ERI2: variants seen among roughly 807,000 people sequenced by gnomAD.
ERI2 encodes ERI1 exoribonuclease 2.
ERI2 carries 35 observed loss-of-function variants against 46.8 expected under a neutral mutation model. The observed-to-expected ratio is 0.75, with a 90% confidence interval of 0.57 to 0.99. ERI2 has a LOEUF of 0.99. ERI2 is among the 50% of genes least tolerant of loss of function. The probability of loss-of-function intolerance (pLI) is 0.00; values close to 1 mark genes in which losing one functional copy is unlikely to be tolerated. For synonymous variants in ERI2, 224 were observed against 271.0 expected, an observed-to-expected ratio of 0.83 and a Z score of 1.70; for missense variants, 695 against 796.2, an observed-to-expected ratio of 0.87 and a Z score of 1.53.
chr16:20,792,650 G>T, downstream of ERI2: 1 of 985,422 alleles, frequency 1.0e-6, no homozygotes. Flanking sequence ...GGTGACAGAA[G>T]TCAGCTGGAT....
chr16:20,782,661 T>G (rs2080378643), intron 10 of ERI2, among the ~76,000 whole-genome samples: 2 of 152,314 alleles, frequency 1.3e-5, no homozygotes, highest in Middle Eastern at 3.4e-3. Context: ...CAAGACTCTT[T>G]CCCATCTCAA....
At chr16:20,789,485 C>T in exon 10 of ERI2, 4 of 1,612,030 alleles carry the variant, frequency 2.5e-6, no homozygotes, top group Non-Finnish European at 3.4e-6. Context: ...TTACCATTGT[C>T]AACCAGAGAA....
At chr16:20,789,501 C>T in exon 10 of ERI2, 1 of 1,613,526 alleles carries the variant, frequency 6.2e-7, no homozygotes, top group Non-Finnish European at 8.5e-7. Context: ...GAGAATATTC[C>T]CCTTTTCCTG....
chr16:20,792,202 C>A (rs1450073730), downstream of ERI2: 2 of 1,613,914 alleles, frequency 1.2e-6, no homozygotes, highest in Non-Finnish European at 1.7e-6. Context: ...ACCTGCCACT[C>A]ACCTGTATGT....
rs1400261054 is a variant in ERI2, at chr16:20,782,223, G to GTTTTGT, written c.895-1495_895-1490dup. Among the ~76,000 whole-genome samples the GTTTTGT allele has an allele frequency of 3.3e-5, 5 of 152,256 alleles. No individual in the cohort carries two copies. The East Asian group carries it at 9.6e-4, about 29-fold the overall frequency. ...AGAAAAACAACCCCCGTTTCTCTTT[G>GTTTTGT]TTTTGTTTTTGTTTTTGTTTTGTTT... On this transcript the variant is annotated intron_variant, in intron 10 of 10. Coordinates refer to the ERI2 transcript ENST00000300005.
At chr16:20,805,466 A>G (rs984140326) in intron 1 of ERI2, among the ~76,000 whole-genome samples, 21 of 152,138 alleles carry the variant, frequency 1.4e-4, no homozygotes, top group African/African-American at 4.8e-4. Context: ...TAAAAAGTAG[A>G]GGTTCCTCTT....
chr16:20,794,054 A>G (rs748808604), downstream of ERI2, among the ~76,000 whole-genome samples: 17 of 152,316 alleles, frequency 1.1e-4, no homozygotes, highest in Admixed American at 3.3e-4. Context: ...GGTAGGCTGC[A>G]GCATTTCCTA....
At chr16:20,792,477 G>C, downstream of ERI2, 1 of 1,494,286 alleles carries the variant, frequency 6.7e-7, no homozygotes, top group Non-Finnish European at 8.9e-7. Context: ...TAGTCAGAAA[G>C]AACTGCTACA....
Position 20,796,799 on chromosome 16 carries a change from T to C in ERI2, c.*925A>G. On this transcript the variant is annotated 3_prime_UTR_variant, in exon 9 of 9. Transcript: ENST00000357967. ...CAAAGACTATTCTAATTCTTCCACC[T>C]AGAATTCATAATCAAACTGCTATAT... The C allele has an allele frequency of 6.3e-7, 1 of 1,577,414 alleles. No homozygotes were observed. Among genetic ancestry groups the C allele is most frequent in the Non-Finnish European group, 8.6e-7 (1 of 1,166,868 alleles).
chr16:20,796,580 C>T lies in ERI2; in HGVS notation c.*1144G>A. ...CATTTTAATGAATATTTTCTTCACA[C>T]ATGCTGCACCACATGTCCCAAACTG... On this transcript the variant is annotated 3_prime_UTR_variant, in exon 9 of 9. Coordinates refer to ENST00000357967, the MANE Select transcript of ERI2 (RefSeq NM_001142725.2). The T allele has an allele frequency of 6.3e-7, 1 of 1,575,222 alleles. No individual in the cohort carries two copies. Among genetic ancestry groups the T allele is most frequent in the Non-Finnish European group, 8.6e-7 (1 of 1,168,330 alleles).
rs763610942 is a variant in ERI2, at chr16:20,802,798, G to A, written c.301C>T (p.Gln101Ter). The change falls in exon 4 of 9, where the codon CAG (glutamine) becomes TAG (stop). Residue 101 changes from glutamine to a stop codon, truncating the protein, a stop_gained and splice_region_variant. Coordinates refer to ENST00000357967, the MANE Select transcript of ERI2 (RefSeq NM_001142725.2). LOFTEE classifies it high-confidence loss of function. ...GAATTTTAAGATTTGCATCATACCTGCTTTATGCCTGTCAATTCCATGCAA... is the reference window on the plus strand; with the variant it reads ...GAATTTTAAGATTTGCATCATACCTACTTTATGCCTGTCAATTCCATGCAA... ...EFCMELTGIK[Q>*]AQVDEGVPLK... 9.3e-6 allele frequency: 15 copies of A among 1,605,074 alleles called. 1 individual carries two copies. In the South Asian group the frequency reaches 1.6e-4, roughly 17 times the overall value.
chr16:20,806,091 C>A, intron 1 of ERI2: 1 of 1,280,714 alleles, frequency 7.8e-7, no homozygotes. Flanking sequence ...TCCAACCAGT[C>A]TGCAGGGCAC....
chr16:20,806,262 G>A (rs2080870215), intron 1 of ERI2, 146 bp downstream of exon 1: 4 of 1,429,816 alleles, frequency 2.8e-6, no homozygotes, highest in Non-Finnish European at 3.7e-6. Flanking sequence ...CTTTCCAACC[G>A]TGCCAGAGAG....
chr16:20,784,215 C>A (rs967724627), intron 10 of ERI2, among the ~76,000 whole-genome samples: 6 of 152,162 alleles, frequency 3.9e-5, no homozygotes, highest in African/African-American at 1.2e-4. Context: ...AATATGGTAG[C>A]CACTAACCAC....
At chr16:20,787,565 G>T (rs2080501253) in intron 10 of ERI2, among the ~76,000 whole-genome samples, 1 of 152,218 alleles carries the variant, frequency 6.6e-6, no homozygotes, top group Admixed American at 6.5e-5. Flanking sequence ...GAAATCTTGT[G>T]ATTTTAACAA....
intron 9 of ERI2, among the ~76,000 whole-genome samples, chr16:20,789,760 CCCAT>C (rs1192764358): frequency 6.6e-6 from 1 of 151,076 alleles, no homozygotes; most frequent in East Asian, 1.9e-4. Context: ...CTGCAACCTC[CCCAT>C]CCCGGGTTCA....
At chr16:20,794,372 A>T (rs893636325), downstream of ERI2, among the ~76,000 whole-genome samples, 1 of 152,226 alleles carries the variant, frequency 6.6e-6, no homozygotes, top group Non-Finnish European at 1.5e-5. Context: ...GGCCACTGTT[A>T]AGACTTATGC....
In ERI2 at chr16:20,805,767, T is replaced by C. The variant is rs1190123369; in HGVS notation, c.23+641A>G. ...CTTCTTCCTTTGTTCTCCTCTGCCT[T>C]TGCCTCTTTTAAAAAGTTCTATGTT... On this transcript the variant is annotated intron_variant, in intron 1 of 8. Transcript: ENST00000357967. 16 of 191,132 alleles carry C rather than the reference T, an allele frequency of 8.4e-5. 1 individual carries two copies. The allele number at this position is 191,132 out of a possible 1,614,324, so 11.8% of individuals were successfully genotyped here. A position where few individuals can be genotyped will look rare whatever the true frequency, so the allele number is the denominator to read the frequency against.
chr16:20,806,450 T>C lies in ERI2; in HGVS notation c.-20A>G, dbSNP rs1567375254. ...CGCCATTCCCGACACTCCTTGCTTT[T>C]CCAAGTCCAGCTGCCGGAAGTCGCT... is the stretch of plus-strand genomic sequence containing the variant. On this transcript the variant is annotated 5_prime_UTR_variant, in exon 1 of 9. Coordinates refer to ENST00000357967, the MANE Select transcript of ERI2 (RefSeq NM_001142725.2). 1.9e-6 allele frequency: 3 copies of C among 1,552,660 alleles called. No homozygotes were observed. The Admixed American group carries it at 5.9e-5, about 30-fold the overall frequency.
Sources: allele counts gnomAD v4.1 joint callset (sites outside exome capture counted in the v4.1 genomes callset), GRCh38; gene constraint gnomAD v4.1.1; transcripts MANE v1.5; gene names NCBI Gene and HGNC (gene_info 2026-07-23, HGNC 2026-07-21).